Variants in TSNARE1 observed in about 807,000 individuals in gnomAD.
TSNARE1 encodes the protein t-SNARE domain-containing protein 1.
In TSNARE1, 49 loss-of-function variants were observed where a neutral mutation model predicts 62.0. The ratio of observed to expected loss-of-function variants is 0.79; its 90% CI spans 0.63 to 1.00. The LOEUF (loss-of-function observed/expected upper bound fraction) is 1.00. Ranked by LOEUF, TSNARE1 falls within the 50% of genes least tolerant of loss-of-function variation. The pLI, the probability that TSNARE1 is intolerant of heterozygous loss-of-function variation, is 0.00. For missense variants in TSNARE1, 755 were observed against 700.1 expected (o/e 1.08, Z -0.88); for synonymous variants, 328 against 294.4 (o/e 1.11, Z -1.17).
intron 9 of TSNARE1, among the ~76,000 whole-genome samples, chr8:142,304,872 C>T (rs967271364): frequency 6.6e-6 from 1 of 152,200 alleles, no homozygotes; most frequent in African/African-American, 2.4e-5. Flanking sequence ...AGCGGCATGA[C>T]GGTTGAGCAC....
At chr8:142,298,108 G>A (rs143255078) in intron 10 of TSNARE1, among the ~76,000 whole-genome samples, 1 of 152,198 alleles carries the variant, frequency 6.6e-6, no homozygotes, top group African/African-American at 2.4e-5. Context: ...CAGAGCCCAG[G>A]CCACCTGGGT....
chr8:142,275,944 T>C, intron 11 of TSNARE1: 1 of 985,350 alleles, frequency 1.0e-6, no homozygotes, highest in Non-Finnish European at 1.2e-6. Flanking sequence ...ATCAGGGAAC[T>C]GTGGCCCCAT....
chr8:142,232,094 G>A (rs150223155), intron 12 of TSNARE1, among the ~76,000 whole-genome samples: 2 of 152,366 alleles, frequency 1.3e-5, no homozygotes, highest in Non-Finnish European at 2.9e-5. Flanking sequence ...CCAGACCGTG[G>A]CCTTGAGCAC....
intron 10 of TSNARE1, among the ~76,000 whole-genome samples, chr8:142,289,761 G>C (rs1409540203): frequency 6.6e-6 from 1 of 152,226 alleles, no homozygotes; most frequent in Non-Finnish European, 1.5e-5. Context: ...GAGGCCGCCG[G>C]GACTTACTGG....
At chr8:142,276,896 C>G (rs1045908344) in intron 11 of TSNARE1, 39 of 985,350 alleles carry the variant, frequency 4.0e-5, no homozygotes, top group Admixed American at 6.1e-5. Context: ...AGCTCCGCAG[C>G]CAGCAACATC....
chr8:142,241,153 A>G (rs1052575846), intron 12 of TSNARE1, among the ~76,000 whole-genome samples: 5 of 152,260 alleles, frequency 3.3e-5, no homozygotes, highest in Admixed American at 3.3e-4. Flanking sequence ...GTCAGAAGTA[A>G]CAAACGAATT....
At chr8:142,282,754 C>T (rs1211113616) in intron 11 of TSNARE1, among the ~76,000 whole-genome samples, 2 of 138,098 alleles carry the variant, frequency 1.4e-5, no homozygotes, top group African/African-American at 2.8e-5. Flanking sequence ...AGGGCAAAGG[C>T]GGGGTCAGTG....
At chr8:142,384,703 G>A (rs1001684308) in intron 1 of TSNARE1, among the ~76,000 whole-genome samples, 2 of 152,140 alleles carry the variant, frequency 1.3e-5, no homozygotes, top group Non-Finnish European at 2.9e-5. Flanking sequence ...AAGCCTAAAA[G>A]TAAAAGCTAA....
At chr8:142,214,468 C>T (rs893562180) in intron 13 of TSNARE1, among the ~76,000 whole-genome samples, 3 of 152,206 alleles carry the variant, frequency 2.0e-5, no homozygotes, top group African/African-American at 7.2e-5. Flanking sequence ...CTCCAGTCAT[C>T]CCCAAAACTT....
intron 9 of TSNARE1, among the ~76,000 whole-genome samples, chr8:142,305,352 G>T (rs2131410159): frequency 6.6e-6 from 1 of 152,226 alleles, no homozygotes; most frequent in East Asian, 1.9e-4. Flanking sequence ...GCGCAGGGGT[G>T]GGAGGGGGGT....
At chr8:142,276,421 G>A in intron 11 of TSNARE1, 1 of 985,476 alleles carries the variant, frequency 1.0e-6, no homozygotes, top group Non-Finnish European at 1.2e-6. Flanking sequence ...GGAGGCGCTA[G>A]CCTGGGCCCG....
At position 142,267,143 on chromosome 8, in the gene TSNARE1, A is replaced by G. The variant is rs560776092; in HGVS notation, c.1446+7638T>C. ...TAAAATCTTTTGGGGTCTAAACTTGATATTTTTGCTCTTGTTGGATATTCC... is the reference window on the plus strand; with the variant it reads ...TAAAATCTTTTGGGGTCTAAACTTGGTATTTTTGCTCTTGTTGGATATTCC... On this transcript the variant is annotated intron_variant, in intron 12 of 13. Coordinates refer to ENST00000524325, the MANE Select transcript of TSNARE1 (RefSeq NM_145003.5). Among the ~76,000 whole-genome samples the G allele has an allele frequency of 1.4e-4, 21 of 152,296 alleles. No homozygotes were observed. In the South Asian group the frequency reaches 2.5e-3, roughly 18 times the overall value.
At chr8:142,325,952 C>T (rs1054046286) in intron 6 of TSNARE1, 3 of 164,372 alleles carry the variant, frequency 1.8e-5, no homozygotes, top group African/African-American at 7.4e-5. Flanking sequence ...GGATGACGAA[C>T]CAGCACCAGC....
intron 12 of TSNARE1, chr8:142,274,538 G>C: frequency 1.0e-6 from 1 of 985,428 alleles, no homozygotes; most frequent in Non-Finnish European, 1.2e-6. Context: ...GGGCGGCGTG[G>C]TGCATACAAG....
At chr8:142,268,817 C>T (rs757752058) in intron 12 of TSNARE1, among the ~76,000 whole-genome samples, 14 of 152,298 alleles carry the variant, frequency 9.2e-5, no homozygotes, top group African/African-American at 1.7e-4. Context: ...ATGAGGACCA[C>T]GGCAGAGAAG....
chr8:142,256,978 A>G (rs1327812562), intron 12 of TSNARE1, among the ~76,000 whole-genome samples: 1 of 152,166 alleles, frequency 6.6e-6, no homozygotes, highest in East Asian at 1.9e-4. Flanking sequence ...GCTCATTTGC[A>G]TGCCATTTGC....
chr8:142,343,817 A>AGGAGGGGAGAGGAGGAGGGGG, intron 4 of TSNARE1, 149 bp downstream of exon 4: 1 of 197,342 alleles, frequency 5.1e-6, no homozygotes, highest in Non-Finnish European at 7.2e-6. Flanking sequence ...GGAGGAGGGG[A>AGGAGGGGAGAGGAGGAGGGGG]GAGGAGGAGG....
intron 9 of TSNARE1, among the ~76,000 whole-genome samples, chr8:142,305,953 G>A (rs1213110912): frequency 6.6e-6 from 1 of 152,188 alleles, no homozygotes; most frequent in Non-Finnish European, 1.5e-5. Flanking sequence ...CAGAAAGCAG[G>A]GACCCGAGGC....
chr8:142,284,100 G>A (rs1457517769), intron 11 of TSNARE1, among the ~76,000 whole-genome samples: 1 of 110,208 alleles, frequency 9.1e-6, no homozygotes, highest in African/African-American at 2.7e-5. Context: ...GCAGAGGCGG[G>A]GCCAGTGTCT....
Sources: allele counts gnomAD v4.1 joint callset (sites outside exome capture counted in the v4.1 genomes callset), GRCh38; gene constraint gnomAD v4.1.1; transcripts MANE v1.5; gene names NCBI Gene and HGNC (gene_info 2026-07-23, HGNC 2026-07-21).